Variants in CRPPA observed in about 807,000 individuals in gnomAD.
CRPPA encodes CDP-L-ribitol pyrophosphorylase A.
A neutral mutation model predicts 52.0 loss-of-function variants in CRPPA; 43 were observed. The ratio of observed to expected loss-of-function variants is 0.83; its 90% CI spans 0.65 to 1.07. The LOEUF is 1.07. CRPPA is among the 50% of genes least tolerant of loss of function. CRPPA has a pLI of 0.00. For missense variants in CRPPA, 629 were observed against 551.7 expected (o/e 1.14, Z -1.40); for synonymous variants, 250 against 203.5 (o/e 1.23, Z -1.94).
chr7:16,397,203 G>T (rs903854668), intron 2 of CRPPA, among the ~76,000 whole-genome samples: 1 of 152,242 alleles, frequency 6.6e-6, no homozygotes, highest in Admixed American at 6.5e-5. Context: ...ATGGACGTGT[G>T]ACACGACTGA....
chr7:16,393,908 TAAG>T (rs1287622615), intron 2 of CRPPA, among the ~76,000 whole-genome samples: 1 of 152,058 alleles, frequency 6.6e-6, no homozygotes, highest in African/African-American at 2.4e-5. Context: ...GGCGTTTCAA[TAAG>T]AATATTTAAA....
At chr7:16,130,058 G>C (rs1782652950) in intron 9 of CRPPA, among the ~76,000 whole-genome samples, 1 of 152,040 alleles carries the variant, frequency 6.6e-6, no homozygotes, top group African/African-American at 2.4e-5. Context: ...TCCATCCATA[G>C]CATGCCTATC....
chr7:16,244,774 T>C lies in CRPPA; in HGVS notation c.1119+13616A>G, dbSNP rs1021792289. Among the ~76,000 whole-genome samples the C allele has an allele frequency of 1.1e-4, 17 of 152,168 alleles. No individual in the cohort carries two copies. The East Asian group carries it at 3.3e-3, about 29-fold the overall frequency. On this transcript the variant is annotated intron_variant, in intron 8 of 9. Transcript: ENST00000407010. ...CTTCAGATGGACTGAAATTGGAACT[T>C]GAAGACCCTTGTATAAGAAAAAGAA...
Position 16,091,680 on chromosome 7 carries a change from A to C in CRPPA, c.*15T>G. On this transcript the variant is annotated 3_prime_UTR_variant, in exon 10 of 10. Coordinates refer to ENST00000407010, the MANE Select transcript of CRPPA (RefSeq NM_001101426.4). ...CAAATAGATGTTTTAGAAAATAGGTAATTTTTTGTGTTCTTCATGCTATCA... is the reference window on the plus strand; with the variant it reads ...CAAATAGATGTTTTAGAAAATAGGTCATTTTTTGTGTTCTTCATGCTATCA... 1 of 1,422,702 alleles carries C rather than the reference A, an allele frequency of 7.0e-7. No homozygotes were observed. Among genetic ancestry groups the C allele is most frequent in the Non-Finnish European group, 9.7e-7 (1 of 1,034,236 alleles). 88.1% of individuals were successfully genotyped at this position (1,422,702 alleles called of 1,614,324 possible). A position where few individuals can be genotyped will look rare whatever the true frequency, so the allele number is the denominator to read the frequency against.
intron 9 of CRPPA, among the ~76,000 whole-genome samples, chr7:16,112,744 C>T (rs1782292560): frequency 6.6e-6 from 1 of 151,994 alleles, no homozygotes; most frequent in South Asian, 2.1e-4. Context: ...CTTAATTTGT[C>T]CAATGATGAA....
chr7:16,376,098 A>AT lies in CRPPA; in HGVS notation c.677dup (p.Tyr226Ter). Reference protein sequence around the residue: ...AFLFDVIYEAYQQCSDYDLEF... With the variant: ...AFLFDVIYEA ...AAAAAGCCCAAATTCTTACCTGCTG[A>AT]TATGCTTCATAAATCACATCAAATA... Residue 226 changes from tyrosine to a stop codon, truncating the protein, a stop_gained and frameshift_variant, in exon 3 of 10, where the codon TAT (tyrosine) becomes TAAT (stop). Coordinates refer to ENST00000407010, the MANE Select transcript of CRPPA (RefSeq NM_001101426.4). LOFTEE classifies it high-confidence loss of function. 6.3e-7 allele frequency: 1 copy of AT among 1,585,842 alleles called. No homozygotes were observed. Among genetic ancestry groups the AT allele is most frequent in the Non-Finnish European group, 8.6e-7 (1 of 1,166,438 alleles).
intron 6 of CRPPA, chr7:16,270,400 A>C (rs1158515161): frequency 6.6e-6 from 1 of 152,204 alleles, no homozygotes. Flanking sequence ...CATTTAAAGC[A>C]AATTATCCTA....
chr7:16,398,804 ATTGAAACGTGACCAATACGT>A (rs1787697663), intron 2 of CRPPA, among the ~76,000 whole-genome samples: 1 of 152,192 alleles, frequency 6.6e-6, no homozygotes, highest in African/African-American at 2.4e-5. Context: ...GATTAACATG[ATTGAAACGTGACCAATACGT>A]TTGACACGTG....
chr7:16,388,878 A>G (rs1283273249), intron 2 of CRPPA, among the ~76,000 whole-genome samples: 1 of 152,186 alleles, frequency 6.6e-6, no homozygotes, highest in Non-Finnish European at 1.5e-5. Flanking sequence ...TCCATCTCAA[A>G]CCAACAAAAA....
At chr7:16,103,742 C>G (rs1782094747) in intron 9 of CRPPA, among the ~76,000 whole-genome samples, 1 of 152,028 alleles carries the variant, frequency 6.6e-6, no homozygotes, top group East Asian at 1.9e-4. Flanking sequence ...AGCTATATAC[C>G]AGCTGTTGTT....
chr7:16,318,690 G>A (rs984810), intron 3 of CRPPA, among the ~76,000 whole-genome samples: 100,683 of 151,922 alleles, frequency 0.66, 35,450 homozygotes, highest in Non-Finnish European at 0.79. Flanking sequence ...CCTTCCTTAA[G>A]GCAATAAAAG....
chr7:16,256,832 T>C (rs1244443485), intron 8 of CRPPA, among the ~76,000 whole-genome samples: 1 of 152,018 alleles, frequency 6.6e-6, no homozygotes, highest in Non-Finnish European at 1.5e-5. Context: ...TTGATGGGTG[T>C]AGCATACCAG....
At chr7:16,155,705 C>T (rs915229795) in intron 9 of CRPPA, among the ~76,000 whole-genome samples, 2 of 152,078 alleles carry the variant, frequency 1.3e-5, no homozygotes, top group African/African-American at 2.4e-5. Context: ...TTTGTGTTAT[C>T]GATAAGGCTT....
chr7:16,267,555 G>C (rs886969073), intron 6 of CRPPA, among the ~76,000 whole-genome samples: 6 of 152,102 alleles, frequency 3.9e-5, no homozygotes, highest in Non-Finnish European at 7.4e-5. Flanking sequence ...TCTAGCAAAT[G>C]AAAGAAAACT....
intron 3 of CRPPA, among the ~76,000 whole-genome samples, chr7:16,355,968 G>A (rs535295942): frequency 2.4e-4 from 36 of 152,070 alleles, no homozygotes; most frequent in African/African-American, 7.0e-4. Flanking sequence ...TGATTTGATC[G>A]GTGATAGTAG....
rs756877407 is a variant in CRPPA, at chr7:16,091,818, C to T, written c.1252-19G>A. On this transcript the variant is annotated intron_variant, in intron 9 of 9. Transcript: ENST00000407010. ...GATCATCCTGAAAAGAAAGGATAAA[C>T]CAGTAATATTTTAGAAAAAACATAT... The T allele has an allele frequency of 7.3e-7, 1 of 1,365,096 alleles. No homozygotes were observed. The highest frequency in any genetic ancestry group is 3.0e-5 in the Admixed American group (1 of 33,376). 84.6% of individuals were successfully genotyped at this position (1,365,096 alleles called of 1,614,324 possible).
At chr7:16,268,615 T>G (rs1003177276) in intron 6 of CRPPA, among the ~76,000 whole-genome samples, 1 of 152,184 alleles carries the variant, frequency 6.6e-6, no homozygotes, top group Admixed American at 6.5e-5. Context: ...ATAAATTACA[T>G]TTTGAACAAA....
At chr7:16,302,609 T>C (rs1784813268) in intron 4 of CRPPA, among the ~76,000 whole-genome samples, 1 of 152,154 alleles carries the variant, frequency 6.6e-6, no homozygotes, top group South Asian at 2.1e-4. Flanking sequence ...TCCTACCATA[T>C]TATTACCTCA....
At chr7:16,397,060 C>G (rs1345654805) in intron 2 of CRPPA, among the ~76,000 whole-genome samples, 3 of 152,018 alleles carry the variant, frequency 2.0e-5, no homozygotes, top group Admixed American at 1.3e-4. Context: ...ACACATGGGA[C>G]AGGTGGGAGA....
Sources: allele counts gnomAD v4.1 joint callset (sites outside exome capture counted in the v4.1 genomes callset), GRCh38; gene constraint gnomAD v4.1.1; transcripts MANE v1.5; gene names NCBI Gene and HGNC (gene_info 2026-07-23, HGNC 2026-07-21).